The following AP3M2 variants were observed in gnomAD, a reference collection of about 807,000 sequenced individuals.
The protein encoded by AP3M2 is adaptor related protein complex 3 subunit mu 2.
In AP3M2, 28 loss-of-function variants were observed where a neutral mutation model predicts 41.6. The observed-to-expected ratio is 0.67, with a 90% confidence interval of 0.50 to 0.92. The LOEUF is 0.92. AP3M2 is among the 40% of genes least tolerant of loss of function. The probability of loss-of-function intolerance (pLI) is 0.00; values close to 1 mark genes in which losing one functional copy is unlikely to be tolerated. For synonymous variants in AP3M2, 193 were observed against 186.4 expected (o/e 1.04, Z -0.29); for missense variants, 427 against 521.4 (o/e 0.82, Z 1.76).
chr8:42,169,989 C>T lies in AP3M2; in HGVS notation c.*928C>T, dbSNP rs1804752039. 6.6e-6 allele frequency: 1 copy of T among 152,178 alleles called. No individual in the cohort carries two copies. Among genetic ancestry groups the T allele is most frequent in the Middle Eastern group, 3.2e-3 (1 of 316 alleles). The allele number at this position is 152,178 out of a possible 1,614,324, so 9.4% of individuals were successfully genotyped here. ...TAAGAGAGTTTCAGAGAAGCCGATC[C>T]CATAATCCCCAGTGCAGCCAGGGTT... On this transcript the variant is annotated 3_prime_UTR_variant, in exon 9 of 9. Coordinates refer to ENST00000396926, the MANE Select transcript of AP3M2 (RefSeq NM_006803.4).
At position 42,171,168 on chromosome 8, in the gene AP3M2, T is replaced by G; in HGVS notation, c.*2107T>G. 1 of 152,260 alleles carries G rather than the reference T, an allele frequency of 6.6e-6. No individual in the cohort carries two copies. The highest frequency in any genetic ancestry group is 1.9e-4 in the East Asian group (1 of 5,198). 9.4% of individuals were successfully genotyped at this position (152,260 alleles called of 1,614,324 possible). ...GCTTCTCTGTTTAAGTTTAATAAAG[T>G]TGAGTTTCACCAGTCTTCTATGTCC... On this transcript the variant is annotated 3_prime_UTR_variant, in exon 9 of 9. Coordinates refer to ENST00000396926, the MANE Select transcript of AP3M2 (RefSeq NM_006803.4).
intron 4 of AP3M2, among the ~76,000 whole-genome samples, chr8:42,164,675 T>C (rs935949812): frequency 3.9e-5 from 6 of 152,210 alleles, no homozygotes; most frequent in East Asian, 1.9e-4. Context: ...CCACTCACTT[T>C]AGCAGCAGAG....
chr8:42,158,048 G>A lies in AP3M2; in HGVS notation c.381G>A (p.Ser127=), dbSNP rs776900792. 2.6e-5 allele frequency: 42 copies of A among 1,613,910 alleles called. No individual in the cohort carries two copies. The highest frequency in any genetic ancestry group is 9.4e-5 in the African/African-American group (7 of 74,866). Residue 127 remains serine, a synonymous_variant, in exon 3 of 9, where the codon TCG becomes TCA. Transcript: ENST00000396926. The part of the protein sequence containing the change: ...LDNGFPLATE[S]NILKELIKPP... ...ATGGTTTTCCATTGGCTACCGAGTC[G>A]AACATTCTTAAAGAACTCATAAAGC...
In AP3M2 at chr8:42,165,141, T is replaced by A; in HGVS notation, c.654T>A (p.Leu218=). The change falls in exon 5 of 9, where the codon CTT becomes CTA. Residue 218 remains leucine, a synonymous_variant. Coordinates refer to ENST00000396926, the MANE Select transcript of AP3M2 (RefSeq NM_006803.4). ...TCAAGCTGACTGGCATGCCAGACCTTACACTTTCCTTCATGGTAAAATCCT... is the reference window on the plus strand; with the variant it reads ...TCAAGCTGACTGGCATGCCAGACCTAACACTTTCCTTCATGGTAAAATCCT... ...ACVKLTGMPD[L]TLSFMNPRLL... is the part of the protein sequence containing the mutation. The A allele has an allele frequency of 6.2e-7, 1 of 1,613,994 alleles. No homozygotes were observed. The highest frequency in any genetic ancestry group is 8.5e-7 in the Non-Finnish European group (1 of 1,179,936).
At position 42,162,275 on chromosome 8, in the gene AP3M2, C is replaced by T; in HGVS notation, c.446-6C>T. ...TGTTAAAATACAGTAATATTAATTG[C>T]CTCAGGAAGCACGAATGTGGGTGAC... On this transcript the variant is annotated splice_polypyrimidine_tract_variant and splice_region_variant and intron_variant, in intron 3 of 8. Coordinates refer to ENST00000396926, the MANE Select transcript of AP3M2 (RefSeq NM_006803.4). 2 of 1,607,904 alleles carry T rather than the reference C, an allele frequency of 1.2e-6. No homozygotes were observed. Among genetic ancestry groups the T allele is most frequent in the Non-Finnish European group, 1.7e-6 (2 of 1,177,482 alleles).
At chr8:42,156,081 A>T in intron 2 of AP3M2, 1 of 451,544 alleles carries the variant, frequency 2.2e-6, no homozygotes, top group South Asian at 1.6e-5. Flanking sequence ...AGAAGAACCC[A>T]GGAGTTGTGA....
chr8:42,167,540 AC>A (rs1183882865), intron 7 of AP3M2, 125 bp from the exon 8 acceptor site: 6 of 1,378,460 alleles, frequency 4.4e-6, no homozygotes, highest in Non-Finnish European at 6.0e-6. Context: ...ATGGAAAGAT[AC>A]CCAGAGGCAG....
At chr8:42,165,722 T>A in intron 6 of AP3M2, 162 bp downstream of exon 6, 1 of 684,122 alleles carries the variant, frequency 1.5e-6, no homozygotes, top group East Asian at 2.7e-5. Flanking sequence ...TTAACCCCTA[T>A]GTATCTCTTT....
intron 1 of AP3M2, chr8:42,154,408 C>T (rs1804298517): frequency 5.8e-6 from 2 of 346,720 alleles, no homozygotes; most frequent in Non-Finnish European, 1.1e-5. Flanking sequence ...GCAATTTGGG[C>T]GATAGTAAAG....
chr8:42,160,370 G>A (rs1464899124), intron 3 of AP3M2, among the ~76,000 whole-genome samples: 4 of 152,184 alleles, frequency 2.6e-5, no homozygotes, highest in Non-Finnish European at 4.4e-5. Flanking sequence ...GGAATTTGGT[G>A]TAGATAGATG....
chr8:42,162,505 A>G (rs7007571), intron 4 of AP3M2, 87 bp downstream of exon 4: 5 of 1,456,526 alleles, frequency 3.4e-6, no homozygotes, highest in Non-Finnish European at 3.7e-6. Flanking sequence ...ATTAACCCCC[A>G]TTCAAGGTCA....
At chr8:42,164,090 A>G (rs1429131036) in intron 4 of AP3M2, among the ~76,000 whole-genome samples, 1 of 152,196 alleles carries the variant, frequency 6.6e-6, no homozygotes, top group East Asian at 1.9e-4. Context: ...CAGGCCCAAA[A>G]CATAGATGTC....
At chr8:42,155,183 A>G (rs1272571938) in intron 2 of AP3M2, among the ~76,000 whole-genome samples, 1 of 152,200 alleles carries the variant, frequency 6.6e-6, no homozygotes, top group Non-Finnish European at 1.5e-5. Flanking sequence ...TGGGAAAGTC[A>G]TCCTATTTGC....
intron 4 of AP3M2, among the ~76,000 whole-genome samples, chr8:42,164,320 C>A (rs80110162): frequency 0.014 from 2,127 of 152,202 alleles, 52 homozygotes; most frequent in African/African-American, 0.049. Flanking sequence ...TCATTTCTGA[C>A]ATGTGCCTCA....
Position 42,154,902 on chromosome 8 carries a change from C to T in AP3M2, c.215C>T (p.Thr72Met), listed in dbSNP as rs1012403915. Residue 72 changes from threonine (T) to methionine (M), a missense_variant, in exon 2 of 9, where the codon ACG becomes ATG. Thr to Met is a moderately conservative substitution (Grantham distance 81). Around this residue, in one of 3 missense-constraint regions of AP3M2, gnomAD observed 104 missense variants for 93.8 expected, o/e 1.11. Coordinates refer to ENST00000396926, the MANE Select transcript of AP3M2 (RefSeq NM_006803.4). ...HKIFFVAVIQ[T>M]EVPPLFVIEF... ...ATCTTTTTTGTGGCCGTGATCCAGA[C>T]GGAGGTCCCCCCTCTGTTTGTCATT... 25 of 1,614,150 alleles carry T rather than the reference C, an allele frequency of 1.5e-5. No homozygotes were observed. The highest frequency in any genetic ancestry group is 3.3e-5 in the Admixed American group (2 of 60,030).
At chr8:42,156,469 G>A (rs560194220) in intron 2 of AP3M2, among the ~76,000 whole-genome samples, 5 of 152,276 alleles carry the variant, frequency 3.3e-5, no homozygotes, top group Middle Eastern at 3.4e-3. Context: ...CTCACAGGCC[G>A]GCTGCAGCAC....
At chr8:42,166,591 CAAA>C (rs56858276) in intron 6 of AP3M2, among the ~76,000 whole-genome samples, 169 of 77,080 alleles carry the variant, frequency 2.2e-3, no homozygotes, top group South Asian at 4.7e-3. Flanking sequence ...CTTGTCTCTA[CAAA>C]AAAAAAAAAA....
At position 42,153,067 on chromosome 8, in the gene AP3M2, G is replaced by C. The variant is rs1343733927; in HGVS notation, c.-111G>C. On this transcript the variant is annotated 5_prime_UTR_variant, in exon 1 of 9. Transcript: ENST00000396926. ...GCGGCGGGCGGGGCGGGGCCTGTCC[G>C]CGCCTAGGAGCAGTGGGCGCTGAGA... 1 of 151,896 alleles carries C rather than the reference G, an allele frequency of 6.6e-6. No homozygotes were observed. Among genetic ancestry groups the C allele is most frequent in the Non-Finnish European group, 1.5e-5 (1 of 68,042 alleles). The allele number at this position is 151,896 out of a possible 1,614,324, so 9.4% of individuals were successfully genotyped here. A position where few individuals can be genotyped will look rare whatever the true frequency, so the allele number is the denominator to read the frequency against.
intron 3 of AP3M2, 86 bp from the exon 4 acceptor site, chr8:42,162,195 G>A (rs1394981656): frequency 1.5e-6 from 2 of 1,344,170 alleles, no homozygotes; most frequent in African/African-American, 1.5e-5. Context: ...TGCATGAATA[G>A]TGGGAGCATA....
Sources: allele counts gnomAD v4.1 joint callset (sites outside exome capture counted in the v4.1 genomes callset), GRCh38; gene constraint gnomAD v4.1.1; regional missense constraint gnomAD v4.1.1; transcripts MANE v1.5; gene names NCBI Gene and HGNC (gene_info 2026-07-23, HGNC 2026-07-21).